Variants in PIP5K1B observed in about 807,000 individuals in gnomAD.
PIP5K1B encodes the protein phosphatidylinositol-4-phosphate 5-kinase type 1 beta, also known as phosphatidylinositol 4-phosphate 5-kinase type-1 beta.
A neutral mutation model predicts 67.0 loss-of-function variants in PIP5K1B; 42 were observed. The observed-to-expected ratio is 0.63, with a 90% CI of 0.49 to 0.81. The LOEUF (loss-of-function observed/expected upper bound fraction) is 0.81. Among genes scored for constraint, PIP5K1B ranks in the 30% least tolerant of loss-of-function variants. The pLI is 0.00. For synonymous variants in PIP5K1B, 214 were observed against 231.4 expected, an observed-to-expected ratio of 0.92 and a Z score of 0.68; for missense variants, 459 against 646.3, an observed-to-expected ratio of 0.71 and a Z score of 3.14.
chr9:69,008,549 C>A lies in PIP5K1B; in HGVS notation c.*100C>A. On this transcript the variant is annotated 3_prime_UTR_variant, in exon 16 of 16. Transcript: ENST00000265382. ...AATTATCCACAGCAACTTGGCTGAG[C>A]CCCACTACACACAGAGAAATCATCA... 1 of 1,109,040 alleles carries A rather than the reference C, an allele frequency of 9.0e-7. No homozygotes were observed. Among genetic ancestry groups the A allele is most frequent in the Non-Finnish European group, 1.4e-6 (1 of 721,406 alleles). 68.7% of individuals were successfully genotyped at this position (1,109,040 alleles called of 1,614,324 possible).
In PIP5K1B at chr9:68,995,625, G is replaced by A. The variant is rs556735151; in HGVS notation, c.1620+4368G>A. Among the ~76,000 whole-genome samples the A allele has an allele frequency of 2.0e-5, 3 of 152,186 alleles. No individual in the cohort carries two copies. In the South Asian group the frequency reaches 6.2e-4, roughly 32 times the overall value. On this transcript the variant is annotated intron_variant, in intron 15 of 15. Transcript: ENST00000265382. Reference sequence around the variant, plus strand: ...ATTCGAGACCAGCCTGACCAACATGGAGAAACCCTATCTCTACTAAAACTA... The same window carrying A: ...ATTCGAGACCAGCCTGACCAACATGAAGAAACCCTATCTCTACTAAAACTA...
chr9:68,921,599 A>C (rs1006779176), intron 11 of PIP5K1B, among the ~76,000 whole-genome samples: 1 of 152,052 alleles, frequency 6.6e-6, no homozygotes, highest in Non-Finnish European at 1.5e-5. Flanking sequence ...TTAAAACCCA[A>C]CACTTTGGGG....
rs764923086 is a variant in PIP5K1B at position 68,995,196 on chromosome 9, AGAAGG to A, written c.1620+3957_1620+3961del. Among the ~76,000 whole-genome samples, 170 of 148,776 alleles carry A rather than the reference AGAAGG, an allele frequency of 1.1e-3. No homozygotes were observed. The East Asian group carries it at 0.012, about 10-fold the overall frequency. On this transcript the variant is annotated intron_variant, in intron 15 of 15. Transcript: ENST00000265382. Reference sequence around the variant, plus strand: ...AGAAGGAAAGGAAGGAAGGAAGGGAAGAAGGGAAGGGAAGGGAAGGGAGGGGAGGG... The same window carrying A: ...AGAAGGAAAGGAAGGAAGGAAGGGAAGAAGGGAAGGGAAGGGAGGGGAGGG...
rs368850587 is a variant in PIP5K1B, at chr9:68,928,714, G to T, written c.1201+5328G>T. ...AGGTAGTAGTGATAATGTTTATAGT[G>T]CTGCTACAGTGGAAAATAGTCCTGC... is the stretch of plus-strand genomic sequence containing the variant. On this transcript the variant is annotated intron_variant, in intron 12 of 15. Coordinates refer to ENST00000265382, the MANE Select transcript of PIP5K1B (RefSeq NM_003558.4). 3.9e-5 allele frequency among the ~76,000 whole-genome samples: 6 copies of T among 152,142 alleles called. No homozygotes were observed. The East Asian group carries it at 5.8e-4, about 15-fold the overall frequency.
chr9:68,855,214 A>G (rs556056559), intron 4 of PIP5K1B, among the ~76,000 whole-genome samples: 1 of 152,284 alleles, frequency 6.6e-6, no homozygotes, highest in East Asian at 1.9e-4. Context: ...CAGTGAAGCC[A>G]TATTTCCCTG....
rs561139568 is a variant in PIP5K1B, at chr9:68,733,960, C to T, written c.-242-8541C>T. Among the ~76,000 whole-genome samples the T allele has an allele frequency of 7.2e-5, 11 of 152,202 alleles. 1 individual carries two copies. The South Asian group carries it at 2.3e-3, about 32-fold the overall frequency. ...GCAATACTTAGACTCTTTAAAGGAT[C>T]ATTTAACTAGTATATTTATTAGGAG... On this transcript the variant is annotated intron_variant, in intron 1 of 15. Coordinates refer to ENST00000265382, the MANE Select transcript of PIP5K1B (RefSeq NM_003558.4).
In PIP5K1B at chr9:68,828,937, A is replaced by T. The variant is rs565967429; in HGVS notation, c.69+6254A>T. Among the ~76,000 whole-genome samples the T allele has an allele frequency of 1.6e-4, 24 of 152,064 alleles. 1 individual carries two copies. The South Asian group carries it at 4.6e-3, about 29-fold the overall frequency. ...GCCAACATGGTGAAACCCCATCTCT[A>T]CTAAAAATACAAAAATTTGCTGGGC... On this transcript the variant is annotated intron_variant, in intron 4 of 15. Transcript: ENST00000265382.
chr9:68,858,531 A>G (rs2132239663), intron 4 of PIP5K1B, among the ~76,000 whole-genome samples: 1 of 152,284 alleles, frequency 6.6e-6, no homozygotes, highest in South Asian at 2.1e-4. Flanking sequence ...TTTAAAATAT[A>G]TATCAGGCGT....
In PIP5K1B at chr9:68,879,944, A is replaced by G. The variant is rs1052870727; in HGVS notation, c.318+3150A>G. 5.9e-5 allele frequency among the ~76,000 whole-genome samples: 9 copies of G among 152,382 alleles called. No individual in the cohort carries two copies. The East Asian group carries it at 9.6e-4, about 16-fold the overall frequency. Reference sequence around the variant, plus strand: ...TACATGTATCAAAACATCATGTTGTATACCATAAAAGTATACAATTTTATT... The same window carrying G: ...TACATGTATCAAAACATCATGTTGTGTACCATAAAAGTATACAATTTTATT... On this transcript the variant is annotated intron_variant, in intron 6 of 15. Coordinates refer to ENST00000265382, the MANE Select transcript of PIP5K1B (RefSeq NM_003558.4).
intron 14 of PIP5K1B, among the ~76,000 whole-genome samples, chr9:68,942,153 A>G (rs146460816): frequency 6.6e-4 from 101 of 152,372 alleles, no homozygotes; most frequent in African/African-American, 2.3e-3. Context: ...AGTAATGTCA[A>G]ATGTTTAAAC....
chr9:68,997,621 G>A (rs1830651750), intron 15 of PIP5K1B, among the ~76,000 whole-genome samples: 1 of 152,200 alleles, frequency 6.6e-6, no homozygotes, highest in Admixed American at 6.5e-5. Flanking sequence ...TAGGGCCCTT[G>A]TTTGTTTCCA....
At chr9:68,922,633 T>C (rs1368995606) in intron 11 of PIP5K1B, among the ~76,000 whole-genome samples, 2 of 152,182 alleles carry the variant, frequency 1.3e-5, no homozygotes, top group African/African-American at 4.8e-5. Flanking sequence ...TCCCTTCATC[T>C]ATCCCCTTTC....
At chr9:68,833,467 T>A (rs1834428375) in intron 4 of PIP5K1B, among the ~76,000 whole-genome samples, 1 of 152,180 alleles carries the variant, frequency 6.6e-6, no homozygotes, top group Admixed American at 6.5e-5. Context: ...CAGCAGCGGT[T>A]CCCAATGGGG....
intron 14 of PIP5K1B, among the ~76,000 whole-genome samples, chr9:68,943,622 C>T (rs549623595): frequency 2.2e-4 from 34 of 151,248 alleles, no homozygotes; most frequent in African/African-American, 8.3e-4. Flanking sequence ...AGTTTCAAAA[C>T]CTAATCCAGA....
chr9:68,990,165 A>C (rs554919673), intron 14 of PIP5K1B, among the ~76,000 whole-genome samples: 2 of 152,338 alleles, frequency 1.3e-5, no homozygotes, highest in East Asian at 3.9e-4. Flanking sequence ...CACAGAGGAC[A>C]TAACACAGTG....
intron 2 of PIP5K1B, among the ~76,000 whole-genome samples, chr9:68,808,289 A>C (rs776213327): frequency 4.6e-5 from 7 of 152,356 alleles, no homozygotes; most frequent in Non-Finnish European, 8.8e-5. Context: ...TGATTATCCC[A>C]GATGTGACTG....
intron 14 of PIP5K1B, among the ~76,000 whole-genome samples, chr9:68,944,636 G>A (rs1181225556): frequency 6.6e-6 from 1 of 152,208 alleles, no homozygotes; most frequent in Non-Finnish European, 1.5e-5. Context: ...GGGAAAATTG[G>A]CAAAGGCTCC....
At chr9:68,841,875 T>C (rs1333566454) in intron 4 of PIP5K1B, among the ~76,000 whole-genome samples, 2 of 152,172 alleles carry the variant, frequency 1.3e-5, no homozygotes, top group Non-Finnish European at 2.9e-5. Flanking sequence ...ACTTAGACTG[T>C]TAGAGTTGGA....
At chr9:68,792,919 A>T (rs929487290) in intron 2 of PIP5K1B, among the ~76,000 whole-genome samples, 7 of 152,190 alleles carry the variant, frequency 4.6e-5, no homozygotes, top group Non-Finnish European at 8.8e-5. Flanking sequence ...TATGTGCCTC[A>T]CACTGGGCTA....
Sources: gnomAD v4.1 joint callset for allele counts (sites outside exome capture counted in the v4.1 genomes callset) on GRCh38, gnomAD v4.1.1 for gene constraint, MANE v1.5 for transcripts, NCBI Gene and HGNC (gene_info 2026-07-23, HGNC 2026-07-21) for gene names.